HDAC9: variants seen among roughly 807,000 people sequenced by gnomAD.
HDAC9 encodes MEF-2 interacting transcription repressor (MITR) protein.
HDAC9 carries 41 observed loss-of-function variants against 139.4 expected under a neutral mutation model. That is an observed-to-expected ratio of 0.29 (90% CI 0.23 to 0.38). The LOEUF is 0.38. HDAC9 is among the 10% of genes least tolerant of loss of function. The pLI is 1.00. For synonymous variants in HDAC9, 517 were observed against 476.2 expected (o/e 1.09, Z -1.12); for missense variants, 1,147 against 1,297.0 (o/e 0.88, Z 1.78).
intron 1 of HDAC9, among the ~76,000 whole-genome samples, chr7:18,295,003 A>C (rs1267134521): frequency 2.6e-5 from 4 of 152,064 alleles, no homozygotes; most frequent in Non-Finnish European, 5.9e-5. Flanking sequence ...AAGATGGGCA[A>C]ATTGGAAAAA....
intron 23 of HDAC9, among the ~76,000 whole-genome samples, chr7:18,936,519 A>G (rs1456884219): frequency 2.0e-5 from 3 of 152,166 alleles, no homozygotes; most frequent in African/African-American, 7.2e-5. Context: ...GCTACATTGC[A>G]ACATACTTTC....
chr7:18,959,127 C>T (rs971729157), intron 24 of HDAC9, among the ~76,000 whole-genome samples: 14 of 152,100 alleles, frequency 9.2e-5, no homozygotes, highest in African/African-American at 2.2e-4. Context: ...GCATGGTGGG[C>T]GCCAGAGTTC....
intron 1 of HDAC9, among the ~76,000 whole-genome samples, chr7:18,474,230 C>T (rs957480022): frequency 1.3e-5 from 2 of 152,168 alleles, no homozygotes; most frequent in Non-Finnish European, 2.9e-5. Flanking sequence ...ATGGGTGAAT[C>T]TATGTAGAGG....
chr7:18,637,178 G>C (rs1784146338), intron 8 of HDAC9, among the ~76,000 whole-genome samples: 1 of 152,026 alleles, frequency 6.6e-6, no homozygotes, highest in Admixed American at 6.6e-5. Context: ...AGAGGCGAGA[G>C]AGTGATGAAC....
intron 11 of HDAC9, among the ~76,000 whole-genome samples, chr7:18,660,086 A>G (rs1246225747): frequency 6.6e-6 from 1 of 152,182 alleles, no homozygotes; most frequent in African/African-American, 2.4e-5. Context: ...AATAGTCGGA[A>G]ATTTACAAAT....
chr7:18,728,568 AAT>A (rs1379413574), intron 13 of HDAC9, among the ~76,000 whole-genome samples: 1 of 152,180 alleles, frequency 6.6e-6, no homozygotes, highest in Non-Finnish European at 1.5e-5. Context: ...AATCAAATGA[AAT>A]ATATTGTAGC....
intron 1 of HDAC9, among the ~76,000 whole-genome samples, chr7:18,107,568 TAA>T (rs1783313532): frequency 6.6e-6 from 1 of 152,060 alleles, no homozygotes. Context: ...TTTAAAAAGC[TAA>T]TTCAAAAAGA....
At position 18,648,498 on chromosome 7, in the gene HDAC9, G is replaced by A. The variant is rs775705274; in HGVS notation, c.1282G>A (p.Ala428Thr). 18 of 1,612,480 alleles carry A rather than the reference G, an allele frequency of 1.1e-5. No individual in the cohort carries two copies. The highest frequency in any genetic ancestry group is 1.5e-5 in the Non-Finnish European group (18 of 1,179,596). The change falls in exon 11 of 26, where the codon GCA becomes ACA. Residue 428 changes from alanine (A) to threonine (T), a missense_variant. Ala to Thr is a moderately conservative substitution (Grantham distance 58). Around this residue, in one of 7 missense-constraint regions of HDAC9, gnomAD observed 264 missense variants for 273.8 expected, o/e 0.96. Coordinates refer to ENST00000686413, the MANE Select transcript of HDAC9 (RefSeq NM_178425.4). The stretch of plus-strand genomic sequence containing the variant: ...TCCCTTACATCCTCAGTCTCCCTTG[G>A]CAACAAAAGAGAGAATTTCACCTGG... ...GVPLHPQSPL[A>T]TKERISPGIR...
At chr7:18,511,057 A>G (rs908082652) in intron 2 of HDAC9, among the ~76,000 whole-genome samples, 4 of 152,224 alleles carry the variant, frequency 2.6e-5, no homozygotes, top group African/African-American at 9.6e-5. Flanking sequence ...GTAGTATATC[A>G]TGGTGAACAA....
chr7:18,198,881 A>G (rs1790908381), intron 2 of HDAC9, among the ~76,000 whole-genome samples: 1 of 152,114 alleles, frequency 6.6e-6, no homozygotes, highest in Non-Finnish European at 1.5e-5. Flanking sequence ...TTTTTTTATC[A>G]AATAGAACTT....
At chr7:18,524,654 G>A (rs185827990) in intron 2 of HDAC9, among the ~76,000 whole-genome samples, 26 of 152,152 alleles carry the variant, frequency 1.7e-4, no homozygotes, top group Non-Finnish European at 4.4e-5. Flanking sequence ...AAGAGGATAG[G>A]AATATATATT....
chr7:18,996,182 C>T lies in HDAC9; in HGVS notation c.*120C>T, dbSNP rs1786452985. On this transcript the variant is annotated 3_prime_UTR_variant, in exon 26 of 26. Coordinates refer to ENST00000686413, the MANE Select transcript of HDAC9 (RefSeq NM_178425.4). ...TGGCACAGATTCAATGGAACATAAACACTGGGCACAAAATTCTGAACAGCA... is the reference window on the plus strand; with the variant it reads ...TGGCACAGATTCAATGGAACATAAATACTGGGCACAAAATTCTGAACAGCA... The T allele has an allele frequency of 1.5e-6, 1 of 648,582 alleles. No homozygotes were observed. The highest frequency in any genetic ancestry group is 2.7e-6 in the Non-Finnish European group (1 of 374,928). The allele number at this position is 648,582 out of a possible 1,614,324, so 40.2% of individuals were successfully genotyped here.
chr7:18,450,957 A>G (rs186217863), intron 1 of HDAC9, among the ~76,000 whole-genome samples: 2 of 152,334 alleles, frequency 1.3e-5, no homozygotes, highest in Non-Finnish European at 1.5e-5. Flanking sequence ...CTACATGGAT[A>G]TATGTTCACA....
intron 1 of HDAC9, among the ~76,000 whole-genome samples, chr7:18,451,497 T>A (rs771704847): frequency 1.3e-5 from 2 of 151,206 alleles, no homozygotes; most frequent in Non-Finnish European, 2.9e-5. Flanking sequence ...TGGATTACAT[T>A]AGATAGATAT....
intron 24 of HDAC9, among the ~76,000 whole-genome samples, chr7:18,968,558 T>C (rs893174373): frequency 6.6e-6 from 1 of 152,106 alleles, no homozygotes; most frequent in African/African-American, 2.4e-5. Context: ...TACCGCAGAT[T>C]CCAGGGTAAC....
In HDAC9 at chr7:18,996,510, C is replaced by G. The variant is rs1563119540; in HGVS notation, c.*448C>G. 2 of 157,054 alleles carry G rather than the reference C, an allele frequency of 1.3e-5. No homozygotes were observed. The highest frequency in any genetic ancestry group is 2.4e-5 in the African/African-American group (1 of 41,476). 9.7% of individuals were successfully genotyped at this position (157,054 alleles called of 1,614,324 possible). On this transcript the variant is annotated 3_prime_UTR_variant, in exon 26 of 26. Transcript: ENST00000686413. Reference sequence around the variant, plus strand: ...TAATTTGTTTTTCAAACAGTCTTAACTTGTTTACAAGATTTGCTTTTAGCT... The same window carrying G: ...TAATTTGTTTTTCAAACAGTCTTAAGTTGTTTACAAGATTTGCTTTTAGCT...
intron 1 of HDAC9, among the ~76,000 whole-genome samples, chr7:18,466,663 G>T (rs1794302893): frequency 6.6e-6 from 1 of 152,148 alleles, no homozygotes; most frequent in African/African-American, 2.4e-5. Flanking sequence ...AAATAATCCA[G>T]GATAATCTCC....
chr7:18,609,923 C>A (rs1166567354), intron 6 of HDAC9, among the ~76,000 whole-genome samples: 2 of 152,102 alleles, frequency 1.3e-5, no homozygotes, highest in African/African-American at 4.8e-5. Context: ...ATGATGGTTT[C>A]CAGCTTCATC....
At chr7:18,442,149 A>T (rs74617457) in intron 1 of HDAC9, among the ~76,000 whole-genome samples, 1,977 of 152,230 alleles carry the variant, frequency 0.013, 46 homozygotes, top group African/African-American at 0.045. Context: ...CAATGCAGGG[A>T]TTCTTCAAAG....
Sources: gnomAD v4.1 joint callset for allele counts (sites outside exome capture counted in the v4.1 genomes callset) on GRCh38, gnomAD v4.1.1 for gene constraint, gnomAD v4.1.1 regional missense constraint, MANE v1.5 for transcripts, NCBI Gene and HGNC (gene_info 2026-07-23, HGNC 2026-07-21) for gene names.